Variants in SH3KBP1 observed in about 807,000 individuals in gnomAD.
SH3KBP1 encodes SH3 domain containing kinase binding protein 1, also known as SH3 domain-containing kinase-binding protein 1.
In SH3KBP1, 8 loss-of-function variants were observed where a neutral mutation model predicts 50.1. The ratio of observed to expected loss-of-function variants is 0.16; its 90% confidence interval spans 0.09 to 0.29. The LOEUF is 0.29. Among genes scored for constraint, SH3KBP1 ranks in the 10% least tolerant of loss-of-function variants. The probability of loss-of-function intolerance (pLI) is 1.00; values close to 1 mark genes in which losing one functional copy is unlikely to be tolerated. For synonymous variants in SH3KBP1, 227 were observed against 218.6 expected (o/e 1.04, Z -0.34); for missense variants, 377 against 535.2 (o/e 0.70, Z 2.92).
intron 9 of SH3KBP1, among the ~76,000 whole-genome samples, chrX:19,597,053 T>G (rs935980793): frequency 8.9e-6 from 1 of 112,024 alleles, no homozygotes; most frequent in East Asian, 2.8e-4. Flanking sequence ...ATTATTTCAA[T>G]TGACTTTCCC....
At chrX:19,806,950 G>T (rs1569478487) in intron 2 of SH3KBP1, among the ~76,000 whole-genome samples, 1 of 111,843 alleles carries the variant, frequency 8.9e-6, no homozygotes, top group African/African-American at 3.3e-5. Context: ...AAGTCAGGCT[G>T]CCAGAGTTCA....
intron 13 of SH3KBP1, among the ~76,000 whole-genome samples, chrX:19,555,712 C>T (rs750383113): frequency 8.9e-6 from 1 of 112,175 alleles, no homozygotes; most frequent in Admixed American, 9.4e-5. Flanking sequence ...CCTGGAACCA[C>T]TGTTAATAGA....
At chrX:19,875,450 T>C (rs2069220014) in intron 1 of SH3KBP1, among the ~76,000 whole-genome samples, 1 of 112,389 alleles carries the variant, frequency 8.9e-6, no homozygotes, top group African/African-American at 3.2e-5. Flanking sequence ...GTCACTCCTT[T>C]GTCAAGAGGA....
chrX:19,584,589 T>TC (rs1464767074), intron 12 of SH3KBP1, among the ~76,000 whole-genome samples: 1 of 110,503 alleles, frequency 9.0e-6, no homozygotes, highest in Non-Finnish European at 1.9e-5. Context: ...CACCTTGGTC[T>TC]CCTAAAGTGC....
intron 1 of SH3KBP1, among the ~76,000 whole-genome samples, chrX:19,860,152 C>T (rs772604445): frequency 1.3e-3 from 137 of 109,422 alleles, no homozygotes; most frequent in African/African-American, 4.2e-3. Flanking sequence ...ACCTGTAGCC[C>T]CGGCAACTCG....
chrX:19,782,018 C>T (rs1258214460), intron 2 of SH3KBP1, among the ~76,000 whole-genome samples: 1 of 111,357 alleles, frequency 9.0e-6, no homozygotes, highest in Non-Finnish European at 1.9e-5. Flanking sequence ...AATGGCAACC[C>T]CCTAAAAAGA....
intron 1 of SH3KBP1, among the ~76,000 whole-genome samples, chrX:19,838,907 GAAAAAAA>G (rs2068141429): frequency 1.1e-5 from 1 of 92,134 alleles, no homozygotes; most frequent in Non-Finnish European, 2.2e-5. Flanking sequence ...AAAAAAAAAA[GAAAAAAA>G]GAAAAGGAAA....
At chrX:19,696,227 C>G (rs1232807120) in intron 4 of SH3KBP1, among the ~76,000 whole-genome samples, 1 of 112,112 alleles carries the variant, frequency 8.9e-6, no homozygotes, top group Non-Finnish European at 1.9e-5. Context: ...CCATAGATTA[C>G]TATATCAAAA....
chrX:19,794,832 C>T (rs1038930862), intron 2 of SH3KBP1, among the ~76,000 whole-genome samples: 1 of 112,234 alleles, frequency 8.9e-6, no homozygotes. Flanking sequence ...ATGCTAGCTA[C>T]GATTTTTTTT....
At chrX:19,747,372 G>C (rs2064946171) in intron 2 of SH3KBP1, among the ~76,000 whole-genome samples, 1 of 112,100 alleles carries the variant, frequency 8.9e-6, no homozygotes, top group African/African-American at 3.2e-5. Context: ...TTCTAGGCTT[G>C]TCTGAATCCA....
At chrX:19,856,002 A>G (rs778274058) in intron 1 of SH3KBP1, among the ~76,000 whole-genome samples, 2 of 111,440 alleles carry the variant, frequency 1.8e-5, no homozygotes, top group African/African-American at 6.5e-5. Flanking sequence ...TAACACCAGT[A>G]GAAGGAACTT....
chrX:19,837,171 C>T (rs2068082344), intron 1 of SH3KBP1, among the ~76,000 whole-genome samples: 1 of 112,208 alleles, frequency 8.9e-6, no homozygotes, highest in Admixed American at 9.5e-5. Context: ...GCATAGAGGG[C>T]CTGGCTGGCC....
At chrX:19,619,182 A>G (rs951100952) in intron 8 of SH3KBP1, among the ~76,000 whole-genome samples, 1 of 111,695 alleles carries the variant, frequency 9.0e-6, no homozygotes, top group Non-Finnish European at 1.9e-5. Flanking sequence ...AGGCCGAGGC[A>G]GGAGAATTGC....
chrX:19,819,301 T>TGTCTTCTTAGAGGTTTACCC (rs1259260783), intron 2 of SH3KBP1, among the ~76,000 whole-genome samples: 3 of 111,803 alleles, frequency 2.7e-5, no homozygotes, highest in African/African-American at 9.8e-5. Context: ...CATCTTTGCC[T>TGTCTTCTTAGAGGTTTACCC]GTCTTCTTAG....
At chrX:19,834,960 G>A (rs1401942205) in intron 2 of SH3KBP1, among the ~76,000 whole-genome samples, 5 of 108,694 alleles carry the variant, frequency 4.6e-5, no homozygotes, top group African/African-American at 1.7e-4. Flanking sequence ...ATTTGAACCT[G>A]GGAGGTGGAG....
chrX:19,606,062 T>C (rs1282035691), intron 9 of SH3KBP1, among the ~76,000 whole-genome samples: 1 of 112,109 alleles, frequency 8.9e-6, no homozygotes, highest in East Asian at 2.8e-4. Context: ...GCTAGAGTCT[T>C]CCTACCCTCG....
chrX:19,719,029 C>G (rs1272552250), intron 3 of SH3KBP1, among the ~76,000 whole-genome samples: 1 of 111,687 alleles, frequency 9.0e-6, no homozygotes, highest in East Asian at 2.8e-4. Flanking sequence ...CATACATACA[C>G]ACACACATAC....
chrX:19,591,967 A>G, intron 11 of SH3KBP1, 100 bp downstream of exon 11: 3 of 708,363 alleles, frequency 4.2e-6, no homozygotes, highest in East Asian at 3.2e-5. Context: ...ACCATATTCC[A>G]AAGGAAAAGC....
intron 2 of SH3KBP1, among the ~76,000 whole-genome samples, chrX:19,804,871 G>T (rs865975153): frequency 1.2e-4 from 1 of 8,217 alleles, no homozygotes; most frequent in Non-Finnish European, 2.3e-4. Context: ...CCCGCCCCCA[G>T]CCCAAACCCT....
Sources: allele counts gnomAD v4.1 joint callset (sites outside exome capture counted in the v4.1 genomes callset), GRCh38; gene constraint gnomAD v4.1.1; transcripts MANE v1.5; gene names NCBI Gene and HGNC (gene_info 2026-07-23, HGNC 2026-07-21).